Variants in NEGR1 observed in about 807,000 individuals in gnomAD.
NEGR1 encodes neuronal growth regulator 1.
In NEGR1, 10 loss-of-function variants were observed where a neutral mutation model predicts 40.9. The ratio of observed to expected loss-of-function variants is 0.24; its 90% CI spans 0.15 to 0.42. NEGR1 has a LOEUF of 0.42. Among genes scored for constraint, NEGR1 ranks in the 10% least tolerant of loss-of-function variants. The pLI, the probability that NEGR1 is intolerant of heterozygous loss-of-function variation, is 1.00. For synonymous variants in NEGR1, 185 were observed against 166.8 expected (o/e 1.11, Z -0.84); for missense variants, 352 against 438.9 (o/e 0.80, Z 1.77).
At chr1:71,702,657 T>C (rs1653735178) in intron 3 of NEGR1, among the ~76,000 whole-genome samples, 2 of 151,586 alleles carry the variant, frequency 1.3e-5, no homozygotes, top group South Asian at 4.2e-4. Context: ...CAGATCGCTA[T>C]TATATTTAGG....
intron 2 of NEGR1, among the ~76,000 whole-genome samples, chr1:71,841,102 C>A (rs1367097627): frequency 6.6e-6 from 1 of 152,046 alleles, no homozygotes; most frequent in African/African-American, 2.4e-5. Context: ...CCTATTAGTT[C>A]TATTCCTCTG....
intron 1 of NEGR1, among the ~76,000 whole-genome samples, chr1:72,209,815 T>C (rs1488042215): frequency 1.3e-5 from 2 of 151,870 alleles, no homozygotes; most frequent in Non-Finnish European, 2.9e-5. Flanking sequence ...TTATAGGTGG[T>C]CATAAGGAAT....
intron 6 of NEGR1, among the ~76,000 whole-genome samples, chr1:71,431,470 T>G (rs980585089): frequency 5.3e-5 from 8 of 152,212 alleles, no homozygotes; most frequent in Admixed American, 1.3e-4. Flanking sequence ...TCCACACTTC[T>G]AATTTGGATT....
intron 1 of NEGR1, among the ~76,000 whole-genome samples, chr1:71,964,200 C>T (rs1646191820): frequency 6.6e-6 from 1 of 152,274 alleles, no homozygotes; most frequent in East Asian, 1.9e-4. Flanking sequence ...GCCACAGATG[C>T]TTCTGCGTTA....
intron 6 of NEGR1, among the ~76,000 whole-genome samples, chr1:71,531,914 A>T (rs1009398022): frequency 6.7e-6 from 1 of 149,746 alleles, no homozygotes; most frequent in African/African-American, 2.4e-5. Flanking sequence ...TTGAGATAGA[A>T]TTTTTTTTTT....
chr1:71,689,970 G>T (rs963363050), intron 4 of NEGR1, among the ~76,000 whole-genome samples: 1 of 151,924 alleles, frequency 6.6e-6, no homozygotes, highest in East Asian at 1.9e-4. Context: ...AATGAGTGAA[G>T]ACAAGCTAGC....
chr1:71,903,702 T>A (rs1570483132), intron 2 of NEGR1, among the ~76,000 whole-genome samples: 1 of 150,814 alleles, frequency 6.6e-6, no homozygotes, highest in South Asian at 2.1e-4. Flanking sequence ...GTCTGTTGCA[T>A]CTCTCTCTCC....
intron 4 of NEGR1, among the ~76,000 whole-genome samples, chr1:71,695,405 T>C (rs1231637254): frequency 2.0e-5 from 3 of 151,766 alleles, no homozygotes; most frequent in Non-Finnish European, 4.4e-5. Flanking sequence ...TAATATTATG[T>C]CTGCAGCAAT....
At chr1:71,779,332 C>G (rs1049312331) in intron 2 of NEGR1, among the ~76,000 whole-genome samples, 1 of 152,088 alleles carries the variant, frequency 6.6e-6, no homozygotes, top group African/African-American at 2.4e-5. Context: ...ATGTTACTTG[C>G]CCTCAAGAAA....
intron 1 of NEGR1, among the ~76,000 whole-genome samples, chr1:72,155,012 C>A (rs1051532354): frequency 2.6e-5 from 4 of 151,970 alleles, no homozygotes; most frequent in African/African-American, 9.7e-5. Flanking sequence ...GAAAAAAATA[C>A]ATGGTAGAAA....
intron 4 of NEGR1, among the ~76,000 whole-genome samples, chr1:71,671,893 C>CTTTTTTTTTTTTTTTTTTTTTTTT (rs10708807): frequency 8.2e-6 from 1 of 121,582 alleles, no homozygotes; most frequent in Non-Finnish European, 1.7e-5. Context: ...CTCTCTCTCT[C>CTTTTTTTTTTTTTTTTTTTTTTTT]TTTTTTTTTT....
In NEGR1 at chr1:71,671,637, C is replaced by G. The variant is rs143459234; in HGVS notation, c.667+26371G>C. Among the ~76,000 whole-genome samples, 44 of 152,238 alleles carry G rather than the reference C, an allele frequency of 2.9e-4. No homozygotes were observed. The East Asian group carries it at 8.5e-3, about 29-fold the overall frequency. On this transcript the variant is annotated intron_variant, in intron 4 of 6. Transcript: ENST00000357731. ...CTCAACTCCATCTTGGTCAGCCATC[C>G]TTTATCTTTCATCACATTGCCATTA...
At chr1:72,059,617 A>G (rs906895505) in intron 1 of NEGR1, among the ~76,000 whole-genome samples, 2 of 151,658 alleles carry the variant, frequency 1.3e-5, no homozygotes, top group Non-Finnish European at 1.5e-5. Flanking sequence ...GAAATAGTAA[A>G]GAGATTTTAA....
chr1:71,913,966 A>G (rs759576253), intron 2 of NEGR1, among the ~76,000 whole-genome samples: 13 of 152,162 alleles, frequency 8.5e-5, no homozygotes, highest in Admixed American at 2.0e-4. Flanking sequence ...CTCTGTGAAG[A>G]GTTGATCACA....
chr1:71,806,895 T>G (rs1657794547), intron 2 of NEGR1, among the ~76,000 whole-genome samples: 1 of 143,892 alleles, frequency 6.9e-6, no homozygotes, highest in Admixed American at 6.9e-5. Flanking sequence ...TCTGTTTTTT[T>G]TTGTTTTTTT....
intron 4 of NEGR1, among the ~76,000 whole-genome samples, chr1:71,611,452 A>C (rs1650247074): frequency 1.3e-5 from 2 of 152,192 alleles, no homozygotes; most frequent in Admixed American, 1.3e-4. Context: ...ACTCCAGTCC[A>C]ACTCTACTGC....
intron 2 of NEGR1, among the ~76,000 whole-genome samples, chr1:71,855,751 G>GA (rs34980088): frequency 5.9e-5 from 9 of 151,440 alleles, no homozygotes; most frequent in African/African-American, 2.2e-4. Flanking sequence ...ATGTCATCAT[G>GA]AAAAAAAATC....
chr1:72,024,921 A>G (rs1471151719), intron 1 of NEGR1, among the ~76,000 whole-genome samples: 1 of 152,192 alleles, frequency 6.6e-6, no homozygotes, highest in Non-Finnish European at 1.5e-5. Flanking sequence ...CAGATTTCTG[A>G]GCATAATATG....
chr1:72,238,928 A>C (rs1037887335), intron 1 of NEGR1, among the ~76,000 whole-genome samples: 5 of 151,848 alleles, frequency 3.3e-5, no homozygotes, highest in Non-Finnish European at 7.4e-5. Flanking sequence ...GATCATACTT[A>C]TGGAATAAAA....
Sources: allele counts gnomAD v4.1 joint callset (sites outside exome capture counted in the v4.1 genomes callset), GRCh38; gene constraint gnomAD v4.1.1; transcripts MANE v1.5; gene names NCBI Gene and HGNC (gene_info 2026-07-23, HGNC 2026-07-21).